Variants in ZNF248 observed in about 807,000 individuals in gnomAD.
ZNF248 encodes the protein zinc finger protein 248.
ZNF248 carries 20 observed loss-of-function variants against 44.3 expected under a neutral mutation model. The ratio of observed to expected loss-of-function variants is 0.45; its 90% CI spans 0.32 to 0.66. The LOEUF (loss-of-function observed/expected upper bound fraction) is 0.66, where lower values mean the gene tolerates loss of function less well. Among genes scored for constraint, ZNF248 ranks in the 30% least tolerant of loss-of-function variants. The pLI is 0.04. For missense variants in ZNF248, 654 were observed against 677.0 expected (o/e 0.97, Z 0.38); for synonymous variants, 224 against 229.0 (o/e 0.98, Z 0.20).
At chr10:37,758,667 AAGC>A in the ZNF248 span, among the ~76,000 whole-genome samples, 1 of 152,254 alleles carries the variant, frequency 6.6e-6, no homozygotes, top group African/African-American at 2.4e-5. Flanking sequence ...CTGCTCAAAG[AAGC>A]AGGAGTTGCC....
At chr10:37,767,012 G>A in the ZNF248 span, among the ~76,000 whole-genome samples, 1 of 152,168 alleles carries the variant, frequency 6.6e-6, no homozygotes, top group African/African-American at 2.4e-5. Context: ...TCAACTGGAA[G>A]AAAGGGTATC....
Position 37,844,960 on chromosome 10 carries a change from C to T in ZNF248, c.16-6849G>A, listed in dbSNP as rs561018159. 3.0e-5 allele frequency among the ~76,000 whole-genome samples: 4 copies of T among 135,504 alleles called. No individual in the cohort carries two copies. The South Asian group carries it at 1.1e-3, about 39-fold the overall frequency. 88.9% of individuals were successfully genotyped at this position (135,504 alleles called of 152,430 possible). ...TCCCTCCCCCTTCCCTCCCCCCTTC[C>T]TTCTTCCCTTCCCCTTTCCTTTCCC... is the stretch of plus-strand genomic sequence containing the variant. On this transcript the variant is annotated intron_variant, in intron 3 of 5. Transcript: ENST00000395867.
At chr10:37,810,889 G>A (rs1181622033) in intron 6 of ZNF248, among the ~76,000 whole-genome samples, 1 of 152,158 alleles carries the variant, frequency 6.6e-6, no homozygotes, top group African/African-American at 2.4e-5. Flanking sequence ...GCCAAGTCCT[G>A]TTGCTATTGT....
the ZNF248 span, among the ~76,000 whole-genome samples, chr10:37,767,211 T>C: frequency 6.6e-6 from 1 of 152,104 alleles, no homozygotes; most frequent in African/African-American, 2.4e-5. Context: ...CAGGATATTA[T>C]CCAGGAGAAC....
chr10:37,850,286 T>A (rs1208659), intron 3 of ZNF248, among the ~76,000 whole-genome samples: 9,130 of 152,218 alleles, frequency 0.06, 353 homozygotes, highest in Middle Eastern at 0.095. Flanking sequence ...ATGAATGACT[T>A]GATTAAGAAA....
chr10:37,828,189 T>C (rs74137138), downstream of ZNF248, among the ~76,000 whole-genome samples: 181 of 152,328 alleles, frequency 1.2e-3, 1 homozygote, highest in African/African-American at 4.1e-3. Flanking sequence ...TTTACATGCA[T>C]GTGTTAGATA....
At chr10:37,800,592 G>A (rs761674855) in intron 6 of ZNF248, among the ~76,000 whole-genome samples, 1 of 152,152 alleles carries the variant, frequency 6.6e-6, no homozygotes, top group Non-Finnish European at 1.5e-5. Flanking sequence ...GTGTGCATGT[G>A]TCTTTATGGC....
chr10:37,773,307 T>C (rs1024067635), downstream of ZNF248, among the ~76,000 whole-genome samples: 5 of 152,294 alleles, frequency 3.3e-5, no homozygotes, highest in South Asian at 2.1e-4. Context: ...TTTGGAGACA[T>C]TGGAGATTAT....
At chr10:37,821,912 C>T (rs2053530887) in intron 6 of ZNF248, among the ~76,000 whole-genome samples, 2 of 152,204 alleles carry the variant, frequency 1.3e-5, no homozygotes, top group African/African-American at 4.8e-5. Context: ...ACTACCTCTC[C>T]AGTTCTCTGC....
At chr10:37,818,076 T>C (rs1294947476) in intron 6 of ZNF248, among the ~76,000 whole-genome samples, 1 of 151,972 alleles carries the variant, frequency 6.6e-6, no homozygotes, top group African/African-American at 2.4e-5. Context: ...CCACCAAGCC[T>C]GGCTAATTTT....
chr10:37,768,449 A>T, the ZNF248 span, among the ~76,000 whole-genome samples: 1 of 152,336 alleles, frequency 6.6e-6, no homozygotes, highest in Non-Finnish European at 1.5e-5. Flanking sequence ...ATCAAACTAG[A>T]ACTCAGGACT....
At chr10:37,788,436 C>T (rs2048140343) in intron 6 of ZNF248, among the ~76,000 whole-genome samples, 4 of 152,006 alleles carry the variant, frequency 2.6e-5, no homozygotes, top group South Asian at 4.2e-4. Flanking sequence ...ACCTGGTCAA[C>T]ATGGTGAAAC....
At chr10:37,817,695 T>A (rs752351295) in intron 6 of ZNF248, among the ~76,000 whole-genome samples, 4 of 152,184 alleles carry the variant, frequency 2.6e-5, no homozygotes, top group Non-Finnish European at 4.4e-5. Context: ...AGAGGGAAGC[T>A]GCATGTTTTT....
Position 37,831,080 on chromosome 10 carries a change from A to T in ZNF248, c.*535T>A. The T allele has an allele frequency of 7.5e-7, 1 of 1,331,278 alleles. No homozygotes were observed. Among genetic ancestry groups the T allele is most frequent in the Non-Finnish European group, 9.8e-7 (1 of 1,025,092 alleles). 82.5% of individuals were successfully genotyped at this position (1,331,278 alleles called of 1,614,324 possible). On this transcript the variant is annotated 3_prime_UTR_variant, in exon 6 of 6. Transcript: ENST00000395867. ...TACATACACATATATAATTATGTCAACCTATAAAGACACCAATGGTATTTA... is the reference window on the plus strand; with the variant it reads ...TACATACACATATATAATTATGTCATCCTATAAAGACACCAATGGTATTTA...
At chr10:37,820,272 G>A (rs748348939) in intron 6 of ZNF248, 17 of 1,378,418 alleles carry the variant, frequency 1.2e-5, no homozygotes, top group Non-Finnish European at 1.6e-5. Context: ...GAAATGCTCT[G>A]TGTTGCCAGA....
chr10:37,833,170 A>C (rs2056318324), intron 5 of ZNF248, 54 bp from the exon 6 acceptor site: 2 of 1,515,876 alleles, frequency 1.3e-6, no homozygotes, highest in East Asian at 2.3e-5. Flanking sequence ...TTTCTGATGG[A>C]ATCAGACTTT....
rs1052345768 is a variant in ZNF248, at chr10:37,830,971, T to A, written c.*644A>T. On this transcript the variant is annotated 3_prime_UTR_variant, in exon 6 of 6. Transcript: ENST00000395867. ...CTTAAAATTTAACAATCAGAACTTT[T>A]AAGTCAGTATGAGGTTATACTAGCA... 1.9e-6 allele frequency: 1 copy of A among 538,440 alleles called. No individual in the cohort carries two copies. Among genetic ancestry groups the A allele is most frequent in the Non-Finnish European group, 2.5e-6 (1 of 404,854 alleles). The allele number at this position is 538,440 out of a possible 1,614,324, so 33.4% of individuals were successfully genotyped here.
At chr10:37,813,630 G>A (rs1295995012) in intron 6 of ZNF248, among the ~76,000 whole-genome samples, 1 of 151,778 alleles carries the variant, frequency 6.6e-6, no homozygotes, top group Non-Finnish European at 1.5e-5. Flanking sequence ...TTTATTCTAA[G>A]AATATAGTAT....
At chr10:37,801,977 C>A (rs1255259049) in intron 6 of ZNF248, among the ~76,000 whole-genome samples, 2 of 152,144 alleles carry the variant, frequency 1.3e-5, no homozygotes, top group Non-Finnish European at 2.9e-5. Context: ...TCAGAAAGAT[C>A]AGAGGATTTT....
Sources: allele counts gnomAD v4.1 joint callset (sites outside exome capture counted in the v4.1 genomes callset), GRCh38; gene constraint gnomAD v4.1.1; transcripts MANE v1.5; gene names NCBI Gene and HGNC (gene_info 2026-07-23, HGNC 2026-07-21).